NLGN4X: variants seen among roughly 807,000 people sequenced by gnomAD.
The protein encoded by NLGN4X is neuroligin-4, X-linked.
Under a neutral mutation model 40.3 loss-of-function variants are expected in NLGN4X, and 3 were observed. The ratio of observed to expected loss-of-function variants is 0.07; its 90% CI spans 0.03 to 0.19. The LOEUF (loss-of-function observed/expected upper bound fraction) is 0.19, where lower values mean the gene tolerates loss of function less well. Ranked by LOEUF, NLGN4X falls within the 10% of genes least tolerant of loss-of-function variation. The pLI is 1.00. For missense variants in NLGN4X, 382 were observed against 708.3 expected (o/e 0.54, Z 5.23); for synonymous variants, 270 against 306.8 (o/e 0.88, Z 1.25).
intron 2 of NLGN4X, among the ~76,000 whole-genome samples, chrX:6,142,152 T>C (rs2039960392): frequency 8.9e-6 from 1 of 112,549 alleles, no homozygotes; most frequent in African/African-American, 3.2e-5. Flanking sequence ...AATTGCAAAT[T>C]GAATTGAATT....
intron 2 of NLGN4X, among the ~76,000 whole-genome samples, chrX:6,099,072 A>G (rs1183850568): frequency 8.9e-6 from 1 of 112,058 alleles, no homozygotes; most frequent in East Asian, 2.8e-4. Flanking sequence ...CTGTCCTTAG[A>G]CATCGCCAAA....
intron 2 of NLGN4X, among the ~76,000 whole-genome samples, chrX:6,097,721 T>A (rs1167203878): frequency 9.0e-6 from 1 of 111,536 alleles, no homozygotes; most frequent in Non-Finnish European, 1.9e-5. Flanking sequence ...TAAGAAAAGG[T>A]CCATGTCACT....
chrX:6,121,208 T>G (rs183234528), intron 2 of NLGN4X, among the ~76,000 whole-genome samples: 2 of 109,946 alleles, frequency 1.8e-5, no homozygotes, highest in African/African-American at 6.6e-5. Flanking sequence ...GCAGAAGAAA[T>G]CTTATGGTAC....
At chrX:5,901,793 T>C (rs1328739275) in intron 5 of NLGN4X, among the ~76,000 whole-genome samples, 2 of 107,286 alleles carry the variant, frequency 1.9e-5, no homozygotes, top group East Asian at 2.9e-4. Context: ...TATATATTTG[T>C]ATTTGTATAT....
chrX:6,224,404 A>G (rs1925972930), intron 1 of NLGN4X, among the ~76,000 whole-genome samples: 1 of 112,325 alleles, frequency 8.9e-6, no homozygotes, highest in Admixed American at 9.4e-5. Flanking sequence ...TCCAAAAGCA[A>G]GTCTCTGTTG....
At chrX:5,903,011 ACAC>A in intron 5 of NLGN4X, 63 bp downstream of exon 5, 2 of 1,167,073 alleles carry the variant, frequency 1.7e-6, no homozygotes, top group South Asian at 3.6e-5. Context: ...AGTAGAAGCA[ACAC>A]CTATATTGAG....
At position 5,903,643 on chromosome X, in the gene NLGN4X, G is replaced by A. The variant is rs749255933; in HGVS notation, c.1035C>T (p.Asp345=). The A allele has an allele frequency of 2.6e-5, 31 of 1,209,643 alleles. No individual in the cohort carries two copies. The highest frequency in any genetic ancestry group is 4.4e-5 in the Admixed American group (2 of 45,764). The change falls in exon 5 of 6, where the codon GAC becomes GAT. Residue 345 remains aspartate, a synonymous_variant. Coordinates refer to ENST00000381095, the MANE Select transcript of NLGN4X (RefSeq NM_181332.3). The stretch of plus-strand genomic sequence containing the variant: ...GGGGGTCGTCTGGGATGACGTCGCC[G>A]TCGATCACCGGCCCGAAGGCTATGT... The part of the protein sequence containing the change: ...TYHIAFGPVI[D]GDVIPDDPQI...
rs188141675 is a variant in NLGN4X at position 6,035,853 on chromosome X, A to G, written c.473-6421T>C. Among the ~76,000 whole-genome samples the G allele has an allele frequency of 9.6e-5, 10 of 104,341 alleles. No individual in the cohort carries two copies. In the Admixed American group the frequency reaches 1.1e-3, roughly 11 times the overall value. The allele number at this position is 104,341 out of a possible 115,157, so 90.6% of individuals were successfully genotyped here. A position where few individuals can be genotyped will look rare whatever the true frequency, so the allele number is the denominator to read the frequency against. ...GTAAATATATGTTCTCTTCCTTATG[A>G]TTTTCTTAATGGTATTTTCTTTTCT... On this transcript the variant is annotated intron_variant, in intron 2 of 5. Transcript: ENST00000381095.
chrX:5,925,877 CACACATATATATAT>C (rs1407659193), intron 3 of NLGN4X, among the ~76,000 whole-genome samples: 6 of 11,119 alleles, frequency 5.4e-4, no homozygotes, highest in East Asian at 9.3e-3. Context: ...TATATACATA[CACACATATATATAT>C]ATATATATAT....
intron 2 of NLGN4X, among the ~76,000 whole-genome samples, chrX:6,055,677 A>C (rs1229793225): frequency 8.9e-6 from 1 of 112,155 alleles, no homozygotes; most frequent in Non-Finnish European, 1.9e-5. Flanking sequence ...ACATTCTGCA[A>C]ATTATGCAAG....
chrX:5,921,436 G>GAGGAGAGAC (rs2033060394), intron 3 of NLGN4X, among the ~76,000 whole-genome samples: 1 of 37,983 alleles, frequency 2.6e-5, no homozygotes, highest in Non-Finnish European at 5.9e-5. Context: ...AGAGAGAGAG[G>GAGGAGAGAC]AGAGACAGAG....
chrX:6,072,747 C>A (rs1490325804), intron 2 of NLGN4X, among the ~76,000 whole-genome samples: 1 of 111,321 alleles, frequency 9.0e-6, no homozygotes, highest in Non-Finnish European at 1.9e-5. Flanking sequence ...TGAATGCTGC[C>A]TTGATGAACA....
intron 2 of NLGN4X, among the ~76,000 whole-genome samples, chrX:6,060,067 T>C (rs779316024): frequency 4.3e-4 from 48 of 111,863 alleles, no homozygotes; most frequent in Non-Finnish European, 6.0e-4. Context: ...TTTACCTTTT[T>C]TCCTATTCAC....
chrX:6,021,611 C>T (rs1174129589), intron 3 of NLGN4X, among the ~76,000 whole-genome samples: 2 of 101,823 alleles, frequency 2.0e-5, no homozygotes, highest in Non-Finnish European at 4.1e-5. Context: ...AAAGACCTGT[C>T]CACACCTATC....
intron 3 of NLGN4X, among the ~76,000 whole-genome samples, chrX:5,938,966 C>CGT (rs60927853): frequency 0.033 from 3,401 of 101,839 alleles, 53 homozygotes; most frequent in African/African-American, 0.042. Flanking sequence ...TGTGTGTGTG[C>CGT]GTGTGTGTGT....
intron 1 of NLGN4X, among the ~76,000 whole-genome samples, chrX:6,170,520 G>A (rs2040583382): frequency 9.0e-6 from 1 of 111,472 alleles, no homozygotes; most frequent in East Asian, 2.8e-4. Context: ...TTCAATCTTG[G>A]CCTTATCATT....
intron 2 of NLGN4X, among the ~76,000 whole-genome samples, chrX:6,082,990 C>CGCT (rs1210522070): frequency 2.5e-5 from 2 of 79,169 alleles, no homozygotes; most frequent in Non-Finnish European, 4.6e-5. Context: ...GACGGAGTCT[C>CGCT]GCTGTCGCCC....
intron 2 of NLGN4X, among the ~76,000 whole-genome samples, chrX:6,098,891 T>C (rs184497796): frequency 2.8e-3 from 311 of 112,593 alleles, no homozygotes; most frequent in African/African-American, 9.6e-3. Context: ...TGTATTTCAG[T>C]TTGTAATTAT....
chrX:6,169,887 T>A (rs1470099376), intron 1 of NLGN4X, among the ~76,000 whole-genome samples: 3 of 111,706 alleles, frequency 2.7e-5, no homozygotes, highest in Non-Finnish European at 5.6e-5. Flanking sequence ...AGCCTTTCCA[T>A]AAAGAACATA....
Sources: gnomAD v4.1 joint callset for allele counts (sites outside exome capture counted in the v4.1 genomes callset) on GRCh38, gnomAD v4.1.1 for gene constraint, MANE v1.5 for transcripts, NCBI Gene and HGNC (gene_info 2026-07-23, HGNC 2026-07-21) for gene names.